The following MCIDAS variants were observed in gnomAD, a reference collection of about 807,000 sequenced individuals.
MCIDAS encodes multicilin.
A neutral mutation model predicts 35.4 loss-of-function variants in MCIDAS; 23 were observed. That is an observed-to-expected ratio of 0.65 (90% CI 0.47 to 0.92). The LOEUF is 0.92. MCIDAS is among the 40% of genes least tolerant of loss of function. The pLI, the probability that MCIDAS is intolerant of heterozygous loss-of-function variation, is 0.00. For synonymous variants in MCIDAS, 228 were observed against 235.2 expected (o/e 0.97, Z 0.28); for missense variants, 480 against 531.8 (o/e 0.90, Z 0.96).
chr5:55,224,983 A>T (rs1763132), intron 3 of MCIDAS, among the ~76,000 whole-genome samples: 59,874 of 152,002 alleles, frequency 0.39, 11,920 homozygotes, highest in African/African-American at 0.46. Context: ...ACAGATCGCT[A>T]GAGCACAGGA....
At position 55,220,572 on chromosome 5, in the gene MCIDAS, T is replaced by C. The variant is rs1038590501; in HGVS notation, c.952A>G (p.Asn318Asp). The C allele has an allele frequency of 9.8e-6, 15 of 1,536,038 alleles. No homozygotes were observed. The highest frequency in any genetic ancestry group is 1.2e-5 in the Non-Finnish European group (14 of 1,146,842). The stretch of plus-strand genomic sequence containing the variant: ...AGCCCCCGGAAGGCGCCATGCAGGT[T>C]CCCGGGCCTGGTGTCAGTATTCGCG... ...EPANTDTRPG[N>D]LHGAFRGLRT... is the part of the protein sequence containing the mutation. The change falls in exon 7 of 7, where the codon AAC becomes GAC. Residue 318 changes from asparagine to aspartate, a missense_variant. Transcript: ENST00000513312.
In MCIDAS at chr5:55,220,797, T is replaced by G. The variant is rs1341741470; in HGVS notation, c.727A>C (p.Ile243Leu). 8 of 1,524,282 alleles carry G rather than the reference T, an allele frequency of 5.2e-6. No homozygotes were observed. The highest frequency in any genetic ancestry group is 7.0e-6 in the Non-Finnish European group (8 of 1,137,916). The allele number at this position is 1,524,282 out of a possible 1,614,324, so 94.4% of individuals were successfully genotyped here. A position where few individuals can be genotyped will look rare whatever the true frequency, so the allele number is the denominator to read the frequency against. ...GCCCCACAATCCCGGGACTGTGTGA[T>G]CATCAGCTTCTACGAAAGACAGGGA... ...HLASVLDKLM[I>L]TQSRDCGAAA... is the part of the protein sequence containing the mutation. The change falls in exon 7 of 7, where the codon ATC becomes CTC. Residue 243 changes from isoleucine (I) to leucine (L), a missense_variant. Physicochemically the swap from Ile to Leu is conservative, Grantham distance 5 (BLOSUM62 2). Transcript: ENST00000513312.
intron 4 of MCIDAS, among the ~76,000 whole-genome samples, 168 bp downstream of exon 4, chr5:55,222,783 G>T (rs991786803): frequency 3.3e-5 from 5 of 152,178 alleles, no homozygotes; most frequent in Non-Finnish European, 7.3e-5. Flanking sequence ...CTCCACGGGG[G>T]AGAGAAATGT....
chr5:55,220,124 A>C lies in MCIDAS; in HGVS notation c.*242T>G, dbSNP rs1409878628. The stretch of plus-strand genomic sequence containing the variant: ...ACATAATTCAAAGCTGCTAAAAATA[A>C]ATACTTTTAAAATTGGCTGTGACAT... On this transcript the variant is annotated 3_prime_UTR_variant, in exon 7 of 7. Transcript: ENST00000513312. 1 of 444,376 alleles carries C rather than the reference A, an allele frequency of 2.3e-6. No individual in the cohort carries two copies. The highest frequency in any genetic ancestry group is 2.0e-5 in the African/African-American group (1 of 50,428). The allele number at this position is 444,376 out of a possible 1,614,324, so 27.5% of individuals were successfully genotyped here.
intron 3 of MCIDAS, among the ~76,000 whole-genome samples, chr5:55,225,245 A>G (rs1363617520): frequency 1.3e-5 from 2 of 152,202 alleles, no homozygotes; most frequent in Non-Finnish European, 2.9e-5. Flanking sequence ...TGAAACTTTG[A>G]ATTCTACCTC....
chr5:55,220,348 G>A lies in MCIDAS; in HGVS notation c.*18C>T. 6.6e-7 allele frequency: 1 copy of A among 1,522,512 alleles called. No homozygotes were observed. Among genetic ancestry groups the A allele is most frequent in the Non-Finnish European group, 8.8e-7 (1 of 1,137,162 alleles). 94.3% of individuals were successfully genotyped at this position (1,522,512 alleles called of 1,614,324 possible). On this transcript the variant is annotated 3_prime_UTR_variant, in exon 7 of 7. Coordinates refer to ENST00000513312, the MANE Select transcript of MCIDAS (RefSeq NM_001190787.3). ...CAGTGGAAACACAGGGCAGTGTTTTGGGGGACCACATCACAGCTCAACTGG... is the reference window on the plus strand; with the variant it reads ...CAGTGGAAACACAGGGCAGTGTTTTAGGGGACCACATCACAGCTCAACTGG...
At position 55,221,661 on chromosome 5, in the gene MCIDAS, C is replaced by T. The variant is rs370007553; in HGVS notation, c.606+515G>A. 1.8e-3 allele frequency among the ~76,000 whole-genome samples: 281 copies of T among 152,304 alleles called. 3 individuals carry two copies. In the Middle Eastern group the frequency reaches 0.024, roughly 13 times the overall value. The stretch of plus-strand genomic sequence containing the variant: ...AATAAAATGGCCAGGTGCAGTGGCT[C>T]ACGCCCATAATCTCAGCACTTTGGG... On this transcript the variant is annotated intron_variant, in intron 5 of 6. Transcript: ENST00000513312.
rs2111687929 is a variant in MCIDAS at position 55,220,016 on chromosome 5, C to T, written c.*350G>A. ...AGGAAATTACTTAATCTCTTAGAGC[C>T]TTCTTTTCCTTCTTATAATATTAGA... On this transcript the variant is annotated 3_prime_UTR_variant, in exon 7 of 7. Transcript: ENST00000513312. 1.0e-5 allele frequency: 2 copies of T among 191,218 alleles called. No homozygotes were observed. Among genetic ancestry groups the T allele is most frequent in the South Asian group, 2.4e-4 (2 of 8,334 alleles). The allele number at this position is 191,218 out of a possible 1,614,324, so 11.8% of individuals were successfully genotyped here.
rs1375873110 is a variant in MCIDAS, at chr5:55,223,437, C to G, written c.310-414G>C. Among the ~76,000 whole-genome samples, 1 of 152,206 alleles carries G rather than the reference C, an allele frequency of 6.6e-6. No individual in the cohort carries two copies. Among genetic ancestry groups the G allele is most frequent in the Non-Finnish European group, 1.5e-5 (1 of 68,026 alleles). ...TGGCGGGAATGGGTCCTTCCACCGG[C>G]GGTGCGGCGGCCCTGCGCCGGCTCC... On this transcript the variant is annotated intron_variant, in intron 3 of 6. Coordinates refer to ENST00000513312, the MANE Select transcript of MCIDAS (RefSeq NM_001190787.3). The surrounding 1 kb of genome is among the most constrained non-coding windows in gnomAD (Gnocchi z 4.4).
chr5:55,220,672 C>T lies in MCIDAS; in HGVS notation c.852G>A (p.Leu284=). 6.5e-7 allele frequency: 1 copy of T among 1,536,092 alleles called. No individual in the cohort carries two copies. Among genetic ancestry groups the T allele is most frequent in the East Asian group, 2.4e-5 (1 of 40,912 alleles). ...CATCGCAGCGCTCGGAAATCTCCCT[C>T]AGGATGGCGTCCACTTCCGCGCAAT... ...GQDCAEVDAI[L]REISERCDEA... The change falls in exon 7 of 7, where the codon CTG becomes CTA. Residue 284 remains leucine, a synonymous_variant. Coordinates refer to ENST00000513312, the MANE Select transcript of MCIDAS (RefSeq NM_001190787.3).
rs78223743 is a variant in MCIDAS, at chr5:55,224,401, A to T, written c.310-1378T>A. Among the ~76,000 whole-genome samples, 990 of 152,254 alleles carry T rather than the reference A, an allele frequency of 6.5e-3. 12 individuals carry two copies. The highest frequency in any genetic ancestry group is 0.023 in the African/African-American group (939 of 41,538). On this transcript the variant is annotated intron_variant, in intron 3 of 6. Coordinates refer to ENST00000513312, the MANE Select transcript of MCIDAS (RefSeq NM_001190787.3). ...AGGAACTTACTCTGCCCCTAACTTC[A>T]AAGAATGTACAAGTATCAGTTTTCC...
chr5:55,224,099 A>G (rs1388968664), intron 3 of MCIDAS, among the ~76,000 whole-genome samples: 1 of 152,010 alleles, frequency 6.6e-6, no homozygotes, highest in Non-Finnish European at 1.5e-5. Context: ...AAGCTCAGAG[A>G]GTTACCCAGT....
At position 55,221,033 on chromosome 5, in the gene MCIDAS, G is replaced by A. The variant is rs1323450429; in HGVS notation, c.700C>T (p.Leu234=). The A allele has an allele frequency of 2.0e-6, 3 of 1,535,962 alleles. No individual in the cohort carries two copies. The highest frequency in any genetic ancestry group is 1.4e-5 in the African/African-American group (1 of 73,050). ...CCACTTACATCCAGCACCGAGGCCA[G>A]GTGCCGGGTTCGGCTGGCGAGTTCC... The part of the protein sequence containing the change: ...LKELASRTRH[L]ASVLDKLMIT... The change falls in exon 6 of 7, where the codon CTG becomes TTG. Residue 234 remains leucine, a synonymous_variant. Coordinates refer to ENST00000513312, the MANE Select transcript of MCIDAS (RefSeq NM_001190787.3).
At position 55,227,068 on chromosome 5, in the gene MCIDAS, G is replaced by GC; in HGVS notation, c.70dup (p.Ala24GlyfsTer61). 6.6e-7 allele frequency: 1 copy of GC among 1,520,664 alleles called. No homozygotes were observed. Among genetic ancestry groups the GC allele is most frequent in the Non-Finnish European group, 8.8e-7 (1 of 1,140,794 alleles). The allele number at this position is 1,520,664 out of a possible 1,614,324, so 94.2% of individuals were successfully genotyped here. A position where few individuals can be genotyped will look rare whatever the true frequency, so the allele number is the denominator to read the frequency against. On this transcript the variant is annotated frameshift_variant, in exon 1 of 7. Transcript: ENST00000513312. LOFTEE classifies it high-confidence loss of function. ...GCAGAGCAGCGCCCGGCCCGGCAGTGCCAGCATTCTGTTGGGGCAGATGCT... is the reference window on the plus strand; with the variant it reads ...GCAGAGCAGCGCCCGGCCCGGCAGTGCCCAGCATTCTGTTGGGGCAGATGCT...
chr5:55,223,050 G>C lies in MCIDAS; in HGVS notation c.310-27C>G. ...TGAAAAAAACCAGAGGTGTACACTGGTTAACGAGTCTGGCGTTAGAAAGCC... is the reference window on the plus strand; with the variant it reads ...TGAAAAAAACCAGAGGTGTACACTGCTTAACGAGTCTGGCGTTAGAAAGCC... On this transcript the variant is annotated intron_variant, in intron 3 of 6. Coordinates refer to ENST00000513312, the MANE Select transcript of MCIDAS (RefSeq NM_001190787.3). The surrounding 1 kb of genome is among the most constrained non-coding windows in gnomAD (Gnocchi z 4.4). 1 of 1,525,148 alleles carries C rather than the reference G, an allele frequency of 6.6e-7. No individual in the cohort carries two copies. Among genetic ancestry groups the C allele is most frequent in the Middle Eastern group, 1.7e-4 (1 of 5,966 alleles). 94.5% of individuals were successfully genotyped at this position (1,525,148 alleles called of 1,614,324 possible). A position where few individuals can be genotyped will look rare whatever the true frequency, so the allele number is the denominator to read the frequency against.
Position 55,226,906 on chromosome 5 carries a change from G to A in MCIDAS, c.146C>T (p.Pro49Leu). 7.0e-6 allele frequency: 10 copies of A among 1,425,736 alleles called. No individual in the cohort carries two copies. Among genetic ancestry groups the A allele is most frequent in the South Asian group, 1.5e-5 (1 of 68,274 alleles). 88.3% of individuals were successfully genotyped at this position (1,425,736 alleles called of 1,614,324 possible). The change falls in exon 2 of 7, where the codon CCC (proline) becomes CTC (leucine). Residue 49 changes from proline to leucine, a missense_variant. Physicochemically the swap from Pro to Leu is moderately conservative, Grantham distance 98. Coordinates refer to ENST00000513312, the MANE Select transcript of MCIDAS (RefSeq NM_001190787.3). ...CACCGGGCTCCCGCCTGTGCATCCG[G>A]GGAAGAACTTCCGCGGAGGAGCGAA... ...RKFAPPRKFF[P>L]GCTGGSPVSV...
rs777031813 is a variant in MCIDAS at position 55,222,341 on chromosome 5, G to A, written c.441C>T (p.Cys147=). 3.9e-6 allele frequency: 6 copies of A among 1,533,740 alleles called. No individual in the cohort carries two copies. The Admixed American group carries it at 9.8e-5, about 25-fold the overall frequency. The change falls in exon 5 of 7, where the codon TGC becomes TGT. Residue 147 remains cysteine (C), a synonymous_variant. Transcript: ENST00000513312. ...LASGDFPFSP[C]DISPFGPCLS... ...GGCAGGGCCCGAATGGTGATATGTC[G>A]CAAGGAGAGAAGGGGAAGTCTCCGC... is the stretch of plus-strand genomic sequence containing the variant.
chr5:55,222,366 C>G lies in MCIDAS; in HGVS notation c.416G>C (p.Ser139Thr). 2 of 1,528,180 alleles carry G rather than the reference C, an allele frequency of 1.3e-6. No homozygotes were observed. Among genetic ancestry groups the G allele is most frequent in the Non-Finnish European group, 1.8e-6 (2 of 1,141,644 alleles). 94.7% of individuals were successfully genotyped at this position (1,528,180 alleles called of 1,614,324 possible). Residue 139 changes from serine to threonine, a missense_variant, in exon 5 of 7, where the codon AGC (serine) becomes ACC (threonine). Ser to Thr is a moderately conservative substitution (Grantham distance 58, BLOSUM62 1). Transcript: ENST00000513312. ...GCAAGGAGAGAAGGGGAAGTCTCCG[C>G]TGGCCAGGGTAGGCGACATCATAGA... ...SSSMMSPTLASGDFPFSPCDI... is the reference protein window; with the variant it reads ...SSSMMSPTLATGDFPFSPCDI...
chr5:55,223,969 C>A lies in MCIDAS; in HGVS notation c.310-946G>T, dbSNP rs1382832053. Among the ~76,000 whole-genome samples the A allele has an allele frequency of 6.6e-6, 1 of 152,242 alleles. No homozygotes were observed. The highest frequency in any genetic ancestry group is 1.5e-5 in the Non-Finnish European group (1 of 68,016). The stretch of plus-strand genomic sequence containing the variant: ...CTGGAGGCGCATAGGCCTTCTTGTT[C>A]CCTTAATTCATGGACATTTAGAGTT... On this transcript the variant is annotated intron_variant, in intron 3 of 6. Coordinates refer to ENST00000513312, the MANE Select transcript of MCIDAS (RefSeq NM_001190787.3). This position sits in a 1 kb window ranked among gnomAD's most constrained non-coding sequence, Gnocchi z 4.4.
Sources: gnomAD v4.1 joint callset for allele counts (sites outside exome capture counted in the v4.1 genomes callset) on GRCh38, gnomAD v4.1.1 for gene constraint, Gnocchi (gnomAD v3.1) non-coding constraint, MANE v1.5 for transcripts, NCBI Gene and HGNC (gene_info 2026-07-23, HGNC 2026-07-21) for gene names.